Variants in GPR39 observed in about 807,000 individuals in gnomAD.
GPR39 encodes the protein G protein-coupled receptor 39.
GPR39 carries 23 observed loss-of-function variants against 18.4 expected under a neutral mutation model. The ratio of observed to expected loss-of-function variants is 1.25; its 90% CI spans 0.90 to 1.77. The LOEUF (loss-of-function observed/expected upper bound fraction) is 1.77. Among genes scored for constraint, GPR39 ranks in the 40% most tolerant of loss-of-function variants. The pLI, the probability that GPR39 is intolerant of heterozygous loss-of-function variation, is 0.00. For synonymous variants in GPR39, 280 were observed against 257.9 expected, an observed-to-expected ratio of 1.09 and a Z score of -0.82; for missense variants, 647 against 602.4, an observed-to-expected ratio of 1.07 and a Z score of -0.78.
chr2:132,518,338 A>G (rs1679368779), intron 1 of GPR39, among the ~76,000 whole-genome samples: 1 of 152,272 alleles, frequency 6.6e-6, no homozygotes, highest in African/African-American at 2.4e-5. Flanking sequence ...GAGGACAATC[A>G]AGCTCAAATT....
At chr2:132,529,668 A>G (rs1034788556) in intron 1 of GPR39, among the ~76,000 whole-genome samples, 8 of 152,158 alleles carry the variant, frequency 5.3e-5, no homozygotes, top group Non-Finnish European at 5.9e-5. Flanking sequence ...CCAGAGGAAC[A>G]ATCAGGCAGC....
At chr2:132,488,969 T>A (rs1681402344) in intron 1 of GPR39, 1 of 153,698 alleles carries the variant, frequency 6.5e-6, no homozygotes. Flanking sequence ...TTTCTCTCTC[T>A]CACTATTGAG....
In GPR39 at chr2:132,646,205, GAGC is replaced by G; in HGVS notation, c.*602_*604del. The G allele has an allele frequency of 6.2e-7, 1 of 1,607,198 alleles. No homozygotes were observed. Among genetic ancestry groups the G allele is most frequent in the East Asian group, 2.2e-5 (1 of 44,594 alleles). On this transcript the variant is annotated 3_prime_UTR_variant, in exon 2 of 2. Coordinates refer to ENST00000329321, the MANE Select transcript of GPR39 (RefSeq NM_001508.3). ...GCAAACTGAGTTCAGTTTCCCTGGG[GAGC>G]AGAAGGACTGGTACCCGGCAGAGGC...
chr2:132,418,004 C>A, intron 1 of GPR39, 106 bp downstream of exon 1: 2 of 1,385,468 alleles, frequency 1.4e-6, no homozygotes, highest in Non-Finnish European at 1.9e-6. Context: ...CCTAGAATTG[C>A]ACACTTAAGT....
chr2:132,534,704 C>T (rs2104779256), intron 1 of GPR39, among the ~76,000 whole-genome samples: 1 of 152,014 alleles, frequency 6.6e-6, no homozygotes, highest in Admixed American at 6.6e-5. Flanking sequence ...ATGGATGAAG[C>T]TGGAAACCAT....
At chr2:132,484,476 G>A (rs1370836771) in intron 1 of GPR39, among the ~76,000 whole-genome samples, 8 of 152,194 alleles carry the variant, frequency 5.3e-5, no homozygotes, top group Admixed American at 5.2e-4. Flanking sequence ...CAGATTAGGT[G>A]AACTTGGCCA....
intron 1 of GPR39, among the ~76,000 whole-genome samples, chr2:132,472,980 A>AC (rs1378747600): frequency 1.3e-5 from 2 of 151,724 alleles, no homozygotes; most frequent in Non-Finnish European, 2.9e-5. Context: ...TCCACCGTGA[A>AC]CCCCCCTGCA....
chr2:132,458,882 C>A (rs1462615486), intron 1 of GPR39, among the ~76,000 whole-genome samples: 1 of 133,678 alleles, frequency 7.5e-6, no homozygotes, highest in Non-Finnish European at 1.7e-5. Flanking sequence ...TCCTCCCCAA[C>A]TCATGTGGGA....
chr2:132,571,404 C>G (rs1680438482), intron 1 of GPR39, among the ~76,000 whole-genome samples: 1 of 152,144 alleles, frequency 6.6e-6, no homozygotes, highest in Non-Finnish European at 1.5e-5. Context: ...TTTAAAAACT[C>G]TGTAATCCAG....
chr2:132,610,129 A>G (rs943546106), intron 1 of GPR39, among the ~76,000 whole-genome samples: 1 of 152,114 alleles, frequency 6.6e-6, no homozygotes, highest in African/African-American at 2.4e-5. Context: ...TCTCATCCAC[A>G]GTTTGCTGAA....
At chr2:132,532,762 A>G (rs1679665017) in intron 1 of GPR39, among the ~76,000 whole-genome samples, 1 of 152,204 alleles carries the variant, frequency 6.6e-6, no homozygotes, top group African/African-American at 2.4e-5. Flanking sequence ...TTATCTCAAT[A>G]GATGCAGAAA....
At chr2:132,572,810 A>G (rs1476059053) in intron 1 of GPR39, among the ~76,000 whole-genome samples, 2 of 152,204 alleles carry the variant, frequency 1.3e-5, no homozygotes, top group Non-Finnish European at 2.9e-5. Context: ...TAGGGAAGAA[A>G]TAATAGAATT....
intron 1 of GPR39, among the ~76,000 whole-genome samples, chr2:132,539,915 A>G (rs144052935): frequency 6.6e-6 from 1 of 152,274 alleles, no homozygotes; most frequent in Non-Finnish European, 1.5e-5. Context: ...TCAGATGCTC[A>G]TGTGGAGGAA....
intron 1 of GPR39, among the ~76,000 whole-genome samples, chr2:132,568,565 C>G (rs1476263997): frequency 6.6e-6 from 1 of 151,874 alleles, no homozygotes; most frequent in African/African-American, 2.4e-5. Flanking sequence ...AATTAGCCAG[C>G]CTTGGTGGTG....
At chr2:132,630,917 T>A (rs565479233) in intron 1 of GPR39, among the ~76,000 whole-genome samples, 1 of 152,152 alleles carries the variant, frequency 6.6e-6, no homozygotes, top group Non-Finnish European at 1.5e-5. Flanking sequence ...TTAATTCAGT[T>A]TGGACATGTC....
intron 1 of GPR39, among the ~76,000 whole-genome samples, chr2:132,419,277 C>G (rs1198279140): frequency 1.3e-5 from 2 of 152,164 alleles, no homozygotes; most frequent in African/African-American, 4.8e-5. Context: ...GGGGCTGTGC[C>G]AGGTGACTGA....
intron 1 of GPR39, among the ~76,000 whole-genome samples, chr2:132,629,639 C>CT (rs1352171511): frequency 1.3e-5 from 2 of 152,226 alleles, no homozygotes; most frequent in African/African-American, 4.8e-5. Context: ...GGAAACTCAT[C>CT]TGTCATCTTT....
At chr2:132,514,481 A>C (rs540062720) in intron 1 of GPR39, among the ~76,000 whole-genome samples, 1 of 151,750 alleles carries the variant, frequency 6.6e-6, no homozygotes, top group Admixed American at 6.5e-5. Flanking sequence ...CATCTTTCCC[A>C]CCTCACCCCT....
rs755897457 is a variant in GPR39 at position 132,645,630 on chromosome 2, T to A, written c.*24T>A. On this transcript the variant is annotated 3_prime_UTR_variant, in exon 2 of 2. Transcript: ENST00000329321. The stretch of plus-strand genomic sequence containing the variant: ...GAATGTCAAGCGAGGGAGCCTTGAG[T>A]GGGAACTGGCCCTCCAGCCCTAAGA... 6.3e-7 allele frequency: 1 copy of A among 1,595,586 alleles called. No homozygotes were observed. The highest frequency in any genetic ancestry group is 8.5e-7 in the Non-Finnish European group (1 of 1,171,106).
Sources: allele counts gnomAD v4.1 joint callset (sites outside exome capture counted in the v4.1 genomes callset), GRCh38; gene constraint gnomAD v4.1.1; transcripts MANE v1.5; gene names NCBI Gene and HGNC (gene_info 2026-07-23, HGNC 2026-07-21).